Variants in IL31RA observed in about 807,000 individuals in gnomAD.
The protein encoded by IL31RA is interleukin 31 receptor A, also known as interleukin-31 receptor subunit alpha.
Under a neutral mutation model 83.7 loss-of-function variants are expected in IL31RA, and 66 were observed. The observed-to-expected ratio is 0.79, with a 90% CI of 0.65 to 0.97. The LOEUF (loss-of-function observed/expected upper bound fraction) is 0.97, where lower values mean the gene tolerates loss of function less well. Ranked by LOEUF, IL31RA falls within the 50% of genes least tolerant of loss-of-function variation. IL31RA has a pLI of 0.00. For synonymous variants in IL31RA, 325 were observed against 329.0 expected (o/e 0.99, Z 0.13); for missense variants, 798 against 919.4 (o/e 0.87, Z 1.71).
At chr5:55,907,256 A>G in intron 9 of IL31RA, 103 bp from the exon 10 acceptor site, 2 of 733,546 alleles carry the variant, frequency 2.7e-6, no homozygotes, top group Non-Finnish European at 4.9e-6. Flanking sequence ...ACTGTAGAGA[A>G]ATGGAATATC....
intron 11 of IL31RA, chr5:55,908,977 A>G: frequency 1.3e-6 from 1 of 799,180 alleles, no homozygotes; most frequent in Non-Finnish European, 1.6e-6. Flanking sequence ...TGCAACCATC[A>G]CCACTATTTC....
intron 4 of IL31RA, among the ~76,000 whole-genome samples, chr5:55,880,681 G>C (rs1164359544): frequency 6.6e-6 from 1 of 152,076 alleles, no homozygotes; most frequent in Non-Finnish European, 1.5e-5. Flanking sequence ...CTCTGCTAAG[G>C]GGTCTAGGGA....
At position 55,913,968 on chromosome 5, in the gene IL31RA, G is replaced by A. The variant is rs972510143; in HGVS notation, c.1736+398G>A. ...TGTCTCAGGCAGAGCGGGGAGCAGT[G>A]TCTCCACGGTGTTGGAGTGCTGGCC... On this transcript the variant is annotated intron_variant, in intron 13 of 14. Coordinates refer to ENST00000652347, the MANE Select transcript of IL31RA (RefSeq NM_139017.7). 2.6e-5 allele frequency among the ~76,000 whole-genome samples: 4 copies of A among 152,240 alleles called. No homozygotes were observed. The South Asian group carries it at 8.3e-4, about 31-fold the overall frequency.
rs1749991170 is a variant in IL31RA at position 55,919,667 on chromosome 5, G to T, written c.*2547G>T. On this transcript the variant is annotated 3_prime_UTR_variant, in exon 15 of 15. Coordinates refer to ENST00000652347, the MANE Select transcript of IL31RA (RefSeq NM_139017.7). ...TTTTCCATGGTTTTATTACCTTTGA[G>T]GGGTGGGAAGATGGTGGCTCTGTTT... 6.6e-6 allele frequency among the ~76,000 whole-genome samples: 1 copy of T among 152,128 alleles called. No homozygotes were observed.
Position 55,890,137 on chromosome 5 carries a change from C to T in IL31RA, c.772+2C>T. The T allele has an allele frequency of 6.2e-7, 1 of 1,613,460 alleles. No individual in the cohort carries two copies. On this transcript the variant is annotated splice_donor_variant, in intron 6 of 14. Transcript: ENST00000652347. LOFTEE classifies it low-confidence loss of function (GC_TO_GT_DONOR). ...AAATGGGAATGACTGAGGAAGAAGG[C>T]AAGCTACTCCCTGCGATTCCCGTCC...
Position 55,910,682 on chromosome 5 carries a change from T to G in IL31RA, c.1642+10T>G. On this transcript the variant is annotated intron_variant, in intron 12 of 14. Transcript: ENST00000652347. Reference sequence around the variant, plus strand: ...AAGACATTGTCATTCAGTGAGTATTTCCTTCAAGCCTTAGGTACCTCTCCC... The same window carrying G: ...AAGACATTGTCATTCAGTGAGTATTGCCTTCAAGCCTTAGGTACCTCTCCC... 1.2e-6 allele frequency: 2 copies of G among 1,614,036 alleles called. No individual in the cohort carries two copies. The highest frequency in any genetic ancestry group is 1.7e-6 in the Non-Finnish European group (2 of 1,179,916).
Position 55,905,860 on chromosome 5 carries a change from T to C in IL31RA, c.1070-246T>C, listed in dbSNP as rs143781261. Among the ~76,000 whole-genome samples the C allele has an allele frequency of 1.8e-3, 267 of 152,188 alleles. 1 individual carries two copies. Among genetic ancestry groups the C allele is most frequent in the African/African-American group, 6.4e-3 (264 of 41,446 alleles). On this transcript the variant is annotated intron_variant, in intron 8 of 14. Coordinates refer to ENST00000652347, the MANE Select transcript of IL31RA (RefSeq NM_139017.7). The stretch of plus-strand genomic sequence containing the variant: ...GTCATCAACTGTCTAGTGAGATCCT[T>C]TTCTGGAAACAGGTCAATTTGGGGT...
At chr5:55,867,206 TG>T (rs1561543319) in intron 2 of IL31RA, among the ~76,000 whole-genome samples, 1,733 of 92,328 alleles carry the variant, frequency 0.019, 74 homozygotes, top group African/African-American at 0.065. Flanking sequence ...TGTTTGTGTG[TG>T]TGCGCATGTG....
chr5:55,872,275 T>C lies in IL31RA; in HGVS notation c.278T>C (p.Phe93Ser). ...TQYTVKRTYAFGEKHDNCTTN... is the reference protein window; with the variant it reads ...TQYTVKRTYASGEKHDNCTTN... ...AATCACTTTTTCTTTCAAAGCGCTT[T>C]TGGAGAAAAACATGATAATTGTACA... The change falls in exon 4 of 15, where the codon TTT becomes TCT. Residue 93 changes from phenylalanine to serine, a missense_variant. By Grantham distance (155) the Phe-to-Ser change is radical (BLOSUM62 -2). Transcript: ENST00000652347. 6.2e-7 allele frequency: 1 copy of C among 1,612,072 alleles called. No individual in the cohort carries two copies. Among genetic ancestry groups the C allele is most frequent in the Non-Finnish European group, 8.5e-7 (1 of 1,178,602 alleles).
chr5:55,910,714 T>G (rs548914308), intron 12 of IL31RA, 42 bp downstream of exon 12: 1 of 1,606,576 alleles, frequency 6.2e-7, no homozygotes, highest in East Asian at 2.2e-5. Flanking sequence ...TCCCTCACGT[T>G]TACCTTACAT....
At chr5:55,913,358 C>A in intron 12 of IL31RA, 119 bp from the exon 13 acceptor site, 1 of 744,582 alleles carries the variant, frequency 1.3e-6, no homozygotes. Context: ...TTGAATTTAA[C>A]TGAAAGAAAA....
intron 2 of IL31RA, among the ~76,000 whole-genome samples, chr5:55,867,111 G>GCA (rs1561542783): frequency 1.5e-5 from 2 of 134,812 alleles, no homozygotes; most frequent in South Asian, 2.4e-4. Flanking sequence ...GTGTGTGTGT[G>GCA]CATGTGTGTG....
rs9632389 is a variant in IL31RA, at chr5:55,908,359, T to G, written c.1449T>G (p.Gly483=). 253,532 of 1,613,758 alleles carry G rather than the reference T, an allele frequency of 0.16. 21,393 individuals are homozygous for G. The highest frequency in any genetic ancestry group is 0.18 in the Middle Eastern group (1,109 of 6,062). The change falls in exon 11 of 15, where the codon GGT becomes GGG. Residue 483 remains glycine (G), a synonymous_variant. Transcript: ENST00000652347. ...AGATTCCCAAGAGTGAGAGAAAGGGTATCATCTGCAACTACACCATCTTTT... is the reference window on the plus strand; with the variant it reads ...AGATTCCCAAGAGTGAGAGAAAGGGGATCATCTGCAACTACACCATCTTTT... ...WKEIPKSERK[G]IICNYTIFYQ... is the part of the protein sequence containing the mutation.
At chr5:55,886,104 C>T (rs1159769001) in intron 5 of IL31RA, among the ~76,000 whole-genome samples, 4 of 151,962 alleles carry the variant, frequency 2.6e-5, no homozygotes, top group African/African-American at 7.3e-5. Flanking sequence ...TCCTGTACCC[C>T]GTATCTTTAA....
upstream of IL31RA, among the ~76,000 whole-genome samples, chr5:55,849,301 A>G (rs1334863460): frequency 2.0e-5 from 3 of 150,732 alleles, no homozygotes; most frequent in Admixed American, 6.6e-5. Context: ...TTTAGACATT[A>G]TCTATTGACT....
chr5:55,847,244 A>AAAAAAAAT (rs1744952793), upstream of IL31RA, among the ~76,000 whole-genome samples: 1 of 61,158 alleles, frequency 1.6e-5, no homozygotes, highest in Non-Finnish European at 3.5e-5. Flanking sequence ...AAAAAAAATA[A>AAAAAAAAT]AAATAAATAA....
At chr5:55,850,613 C>T (rs1387347219), upstream of IL31RA, among the ~76,000 whole-genome samples, 3 of 152,130 alleles carry the variant, frequency 2.0e-5, 1 homozygote. Flanking sequence ...TTTTTTCCCC[C>T]CATCTGCTGT....
At chr5:55,899,873 T>C (rs1479938723) in intron 7 of IL31RA, 43 bp from the exon 8 acceptor site, 1 of 1,452,370 alleles carries the variant, frequency 6.9e-7, no homozygotes. Context: ...TGCCTTTCTT[T>C]TTCTTTGTTA....
intron 7 of IL31RA, 29 bp downstream of exon 7, chr5:55,896,458 C>G: frequency 6.8e-7 from 1 of 1,465,408 alleles, no homozygotes. Flanking sequence ...CTTTTTCTCT[C>G]TCTTTCTTCC....
Sources: allele counts gnomAD v4.1 joint callset (sites outside exome capture counted in the v4.1 genomes callset), GRCh38; gene constraint gnomAD v4.1.1; transcripts MANE v1.5; gene names NCBI Gene and HGNC (gene_info 2026-07-23, HGNC 2026-07-21).